The following NRXN3 variants were observed in gnomAD, a reference collection of about 807,000 sequenced individuals.
NRXN3 encodes the protein neurexin III.
Under a neutral mutation model 137.6 loss-of-function variants are expected in NRXN3, and 32 were observed. The ratio of observed to expected loss-of-function variants is 0.23; its 90% CI spans 0.18 to 0.31. NRXN3 has a LOEUF of 0.31. Among genes scored for constraint, NRXN3 ranks in the 10% least tolerant of loss-of-function variants. The pLI, the probability that NRXN3 is intolerant of heterozygous loss-of-function variation, is 1.00. For missense variants in NRXN3, 1,574 were observed against 2,062.5 expected (o/e 0.76, Z 4.59); for synonymous variants, 798 against 784.5 (o/e 1.02, Z -0.29).
intron 15 of NRXN3, among the ~76,000 whole-genome samples, chr14:79,143,191 C>A (rs936613530): frequency 4.6e-5 from 7 of 152,128 alleles, no homozygotes; most frequent in African/African-American, 1.4e-4. Flanking sequence ...CCCTGATTCC[C>A]AACAGGGTAG....
intron 10 of NRXN3, among the ~76,000 whole-genome samples, chr14:78,868,440 CAT>C (rs1237679420): frequency 6.6e-6 from 1 of 152,058 alleles, no homozygotes; most frequent in Non-Finnish European, 1.5e-5. Flanking sequence ...AGTAACAAAA[CAT>C]AAAAATTGTG....
intron 4 of NRXN3, among the ~76,000 whole-genome samples, chr14:78,514,695 A>G (rs553794387): frequency 1.3e-5 from 2 of 152,290 alleles, no homozygotes; most frequent in East Asian, 3.9e-4. Context: ...AACAATTAAA[A>G]ACAAGCAGAT....
intron 17 of NRXN3, among the ~76,000 whole-genome samples, chr14:79,681,760 A>G (rs116341930): frequency 0.011 from 1,587 of 149,790 alleles, 19 homozygotes; most frequent in African/African-American, 0.035. Flanking sequence ...TTTTTTTTCC[A>G]ATTTAACACA....
chr14:79,250,857 GACA>G (rs1474670748), intron 15 of NRXN3, among the ~76,000 whole-genome samples: 2 of 152,186 alleles, frequency 1.3e-5, no homozygotes, highest in African/African-American at 4.8e-5. Flanking sequence ...ATATCTGATA[GACA>G]ACATGACTTA....
At chr14:79,394,712 A>C (rs2094961436) in intron 15 of NRXN3, among the ~76,000 whole-genome samples, 1 of 152,204 alleles carries the variant, frequency 6.6e-6, no homozygotes, top group East Asian at 1.9e-4. Context: ...TGTATATGTA[A>C]ATATTATATC....
intron 10 of NRXN3, among the ~76,000 whole-genome samples, chr14:78,912,614 G>A (rs1217850917): frequency 2.0e-5 from 3 of 152,108 alleles, no homozygotes; most frequent in Non-Finnish European, 2.9e-5. Flanking sequence ...AACGCAGATA[G>A]TATGTTCAAA....
intron 10 of NRXN3, among the ~76,000 whole-genome samples, chr14:78,879,961 C>G (rs558785378): frequency 1.3e-5 from 2 of 151,144 alleles, no homozygotes; most frequent in Non-Finnish European, 2.9e-5. Context: ...AGAATTGGGC[C>G]GGGCGCGGTG....
At chr14:78,580,277 G>T (rs1301691783) in intron 4 of NRXN3, among the ~76,000 whole-genome samples, 2 of 152,022 alleles carry the variant, frequency 1.3e-5, no homozygotes, top group Non-Finnish European at 2.9e-5. Flanking sequence ...TGCCCTAACT[G>T]CACTTAGTGG....
intron 15 of NRXN3, among the ~76,000 whole-genome samples, chr14:79,119,265 T>C (rs1368201201): frequency 6.6e-6 from 1 of 152,198 alleles, no homozygotes; most frequent in Non-Finnish European, 1.5e-5. Flanking sequence ...CTGAGGATTA[T>C]ATTAGATTAA....
intron 20 of NRXN3, among the ~76,000 whole-genome samples, chr14:79,859,555 A>G (rs569369615): frequency 6.6e-6 from 1 of 152,312 alleles, no homozygotes; most frequent in Admixed American, 6.5e-5. Flanking sequence ...AAGACTGTGT[A>G]GGCTCCAAGG....
At chr14:79,518,373 ATC>A (rs2097019876) in intron 16 of NRXN3, among the ~76,000 whole-genome samples, 1 of 152,046 alleles carries the variant, frequency 6.6e-6, no homozygotes, top group African/African-American at 2.4e-5. Flanking sequence ...TAGTGACATG[ATC>A]TGTCTCTCCT....
chr14:79,689,145 A>G (rs2098706644), intron 17 of NRXN3, among the ~76,000 whole-genome samples: 1 of 152,144 alleles, frequency 6.6e-6, no homozygotes, highest in African/African-American at 2.4e-5. Context: ...TCTTGAGTAT[A>G]GCCATCACTT....
At chr14:79,068,580 C>A (rs1016340822) in intron 15 of NRXN3, among the ~76,000 whole-genome samples, 3 of 152,050 alleles carry the variant, frequency 2.0e-5, no homozygotes, top group African/African-American at 7.2e-5. Context: ...TTTAAAGTCT[C>A]CACTTGTCAC....
chr14:79,364,239 T>A (rs1436536433), intron 15 of NRXN3, among the ~76,000 whole-genome samples: 1 of 152,248 alleles, frequency 6.6e-6, no homozygotes, highest in Admixed American at 6.5e-5. Flanking sequence ...CCTCCTTTTT[T>A]GTCCGTGATT....
intron 15 of NRXN3, among the ~76,000 whole-genome samples, chr14:79,073,484 CT>C (rs1433700360): frequency 6.6e-6 from 1 of 152,140 alleles, no homozygotes; most frequent in African/African-American, 2.4e-5. Flanking sequence ...CATTTTCCTC[CT>C]GCTTGATGTG....
chr14:79,352,476 G>A (rs986222432), intron 15 of NRXN3, among the ~76,000 whole-genome samples: 4 of 152,030 alleles, frequency 2.6e-5, no homozygotes, highest in African/African-American at 4.8e-5. Flanking sequence ...AGCAGAATCC[G>A]GATCAATTGA....
At chr14:78,654,089 AC>A (rs1254787499) in intron 6 of NRXN3, among the ~76,000 whole-genome samples, 1 of 152,216 alleles carries the variant, frequency 6.6e-6, no homozygotes, top group Admixed American at 6.5e-5. Context: ...TTTGAGTCTA[AC>A]GTAGTGCTGG....
At chr14:78,565,142 G>T (rs1271703218) in intron 4 of NRXN3, among the ~76,000 whole-genome samples, 1 of 152,170 alleles carries the variant, frequency 6.6e-6, no homozygotes, top group Non-Finnish European at 1.5e-5. Flanking sequence ...GAACATTGAA[G>T]ATGCTCAGTT....
At chr14:78,337,496 GGGA>G (rs2081612906) in intron 4 of NRXN3, among the ~76,000 whole-genome samples, 1 of 152,084 alleles carries the variant, frequency 6.6e-6, no homozygotes, top group Non-Finnish European at 1.5e-5. Flanking sequence ...ACCAGCTTTG[GGGA>G]TGATAAAGTA....
Sources: allele counts gnomAD v4.1 joint callset (sites outside exome capture counted in the v4.1 genomes callset), GRCh38; gene constraint gnomAD v4.1.1; transcripts MANE v1.5; gene names NCBI Gene and HGNC (gene_info 2026-07-23, HGNC 2026-07-21).